The following IGSF23 variants were observed in gnomAD, a reference collection of about 807,000 sequenced individuals.
The protein encoded by IGSF23 is immunoglobulin superfamily member 23.
A neutral mutation model predicts 17.8 loss-of-function variants in IGSF23; 14 were observed. The ratio of observed to expected loss-of-function variants is 0.79; its 90% CI spans 0.52 to 1.23. The LOEUF is 1.23. IGSF23 is among the 50% of genes most tolerant of loss of function. The probability of loss-of-function intolerance (pLI) is 0.00; values close to 1 mark genes in which losing one functional copy is unlikely to be tolerated. For synonymous variants in IGSF23, 85 were observed against 92.5 expected, an observed-to-expected ratio of 0.92 and a Z score of 0.46; for missense variants, 214 against 241.7, an observed-to-expected ratio of 0.89 and a Z score of 0.76.
chr19:44,625,440 T>C (rs1972623565), intron 2 of IGSF23, among the ~76,000 whole-genome samples: 1 of 152,114 alleles, frequency 6.6e-6, no homozygotes, highest in Non-Finnish European at 1.5e-5. Flanking sequence ...ATCAGAGAAG[T>C]GGTTTGGGAC....
At chr19:44,634,390 G>A (rs1972838782) in intron 3 of IGSF23, among the ~76,000 whole-genome samples, 1 of 152,068 alleles carries the variant, frequency 6.6e-6, no homozygotes, top group South Asian at 2.1e-4. Flanking sequence ...TTCTTTTTTA[G>A]TATGAATAGC....
In IGSF23 at chr19:44,627,437, A is replaced by G; in HGVS notation, c.409A>G (p.Thr137Ala). 6.5e-7 allele frequency: 1 copy of G among 1,545,388 alleles called. No homozygotes were observed. Among genetic ancestry groups the G allele is most frequent in the East Asian group, 2.5e-5 (1 of 40,730 alleles). The stretch of plus-strand genomic sequence containing the variant: ...GTCCCCAGAACCCATCATGCAGCCC[A>G]CAGAAGCAGAGCCCATGGAGCCAGA... ...ISLPKPIMQP[T>A]EAEPMEPDPT... Residue 137 changes from threonine to alanine, a missense_variant, in exon 3 of 5, where the codon ACA (threonine) becomes GCA (alanine). Coordinates refer to ENST00000402988, the MANE Select transcript of IGSF23 (RefSeq NM_001205280.2).
At chr19:44,621,497 G>C (rs1263336424) in intron 1 of IGSF23, among the ~76,000 whole-genome samples, 1 of 150,458 alleles carries the variant, frequency 6.6e-6, no homozygotes, top group Admixed American at 6.6e-5. Context: ...AAAAATAGCT[G>C]GATGTAGTGG....
Position 44,627,532 on chromosome 19 carries a change from AC to A in IGSF23, c.505del (p.Leu169Ter). The part of the protein sequence containing the change: ...LAAGILGAGA[L>X]IAGMCFIIIQ... Reference sequence around the variant, plus strand: ...CGGCTGGGATCCTGGGAGCCGGGGCACTGATTGCAGGCATGTGTTTCATCAT... The same window carrying A: ...CGGCTGGGATCCTGGGAGCCGGGGCATGATTGCAGGCATGTGTTTCATCAT... On this transcript the variant is annotated frameshift_variant, in exon 3 of 5. Coordinates refer to ENST00000402988, the MANE Select transcript of IGSF23 (RefSeq NM_001205280.2). LOFTEE classifies it high-confidence loss of function. 1.3e-6 allele frequency: 2 copies of A among 1,550,476 alleles called. No homozygotes were observed. Among genetic ancestry groups the A allele is most frequent in the Non-Finnish European group, 1.7e-6 (2 of 1,146,944 alleles).
intron 1 of IGSF23, among the ~76,000 whole-genome samples, chr19:44,615,950 G>T (rs1406362341): frequency 1.3e-5 from 2 of 152,202 alleles, no homozygotes; most frequent in African/African-American, 4.8e-5. Context: ...TGTGCCACTG[G>T]ATAAAACAGC....
intron 3 of IGSF23, among the ~76,000 whole-genome samples, chr19:44,631,354 G>A (rs1894316618): frequency 6.6e-6 from 1 of 152,154 alleles, no homozygotes; most frequent in Non-Finnish European, 1.5e-5. Flanking sequence ...TTGGGAGGCC[G>A]AGGCAGGAAG....
intron 3 of IGSF23, among the ~76,000 whole-genome samples, chr19:44,628,412 G>A (rs542908628): frequency 1.3e-5 from 2 of 152,192 alleles, no homozygotes; most frequent in African/African-American, 4.8e-5. Flanking sequence ...TCCTGGTCGG[G>A]GACACCATCA....
chr19:44,630,742 C>T (rs536827862), intron 3 of IGSF23, among the ~76,000 whole-genome samples: 1 of 152,320 alleles, frequency 6.6e-6, no homozygotes, highest in Non-Finnish European at 1.5e-5. Context: ...CTTGACCCTC[C>T]CAGTGAGGAG....
intron 4 of IGSF23, among the ~76,000 whole-genome samples, chr19:44,636,109 T>C (rs1471493795): frequency 6.6e-6 from 1 of 151,938 alleles, no homozygotes; most frequent in Admixed American, 6.6e-5. Flanking sequence ...ATTCCAAGAG[T>C]AACAGCAGAA....
Position 44,623,712 on chromosome 19 carries a change from A to C in IGSF23, c.131A>C (p.Gln44Pro), listed in dbSNP as rs113309881. 7 of 1,551,038 alleles carry C rather than the reference A, an allele frequency of 4.5e-6. No individual in the cohort carries two copies. In the African/African-American group the frequency reaches 6.8e-5, roughly 15 times the overall value. Residue 44 changes from glutamine to proline, a missense_variant, in exon 2 of 5, where the codon CAA becomes CCA. By Grantham distance (76) the Gln-to-Pro change is moderately conservative (BLOSUM62 -1). Coordinates refer to ENST00000402988, the MANE Select transcript of IGSF23 (RefSeq NM_001205280.2). ...GGDFPANLVL[Q>P]LMPLKTFPAA... Reference sequence around the variant, plus strand: ...TTCCCTGTTTGCACAGACAGCCTCCAACTAATGCCACTGAAGACATTCCCA... The same window carrying C: ...TTCCCTGTTTGCACAGACAGCCTCCCACTAATGCCACTGAAGACATTCCCA...
At chr19:44,635,568 C>A in intron 4 of IGSF23, 103 bp downstream of exon 4, 1 of 792,506 alleles carries the variant, frequency 1.3e-6, no homozygotes, top group Non-Finnish European at 2.0e-6. Context: ...GTTCCCTGGT[C>A]ATTTGTCTGT....
chr19:44,618,513 C>A (rs1298934800), intron 1 of IGSF23, among the ~76,000 whole-genome samples: 1 of 152,196 alleles, frequency 6.6e-6, no homozygotes, highest in Admixed American at 6.5e-5. Flanking sequence ...TGCTGGTTAT[C>A]CATTGCTCCC....
chr19:44,635,514 G>T lies in IGSF23; in HGVS notation c.*31+49G>T. 2.2e-6 allele frequency: 3 copies of T among 1,347,142 alleles called. No individual in the cohort carries two copies. In the South Asian group the frequency reaches 3.8e-5, roughly 17 times the overall value. 83.4% of individuals were successfully genotyped at this position (1,347,142 alleles called of 1,614,324 possible). On this transcript the variant is annotated intron_variant, in intron 4 of 4. Transcript: ENST00000402988. ...GAAATCCTAGGTTTGGGAACAGAAA[G>T]AAGTTCTTGGGCAGAGACTCCATAT...
At chr19:44,618,495 A>T (rs1972439116) in intron 1 of IGSF23, among the ~76,000 whole-genome samples, 1 of 152,210 alleles carries the variant, frequency 6.6e-6, no homozygotes, top group South Asian at 2.1e-4. Flanking sequence ...CCACCAGGAC[A>T]CTTTGCATGC....
intron 1 of IGSF23, among the ~76,000 whole-genome samples, chr19:44,614,260 T>C (rs1202516481): frequency 6.6e-6 from 1 of 151,932 alleles, no homozygotes; most frequent in Non-Finnish European, 1.5e-5. Flanking sequence ...AGGATCAGAA[T>C]TTGGGACCCC....
intron 1 of IGSF23, among the ~76,000 whole-genome samples, chr19:44,615,992 T>C (rs1437852583): frequency 6.6e-6 from 1 of 152,140 alleles, no homozygotes; most frequent in Non-Finnish European, 1.5e-5. Context: ...TTACAACATG[T>C]TTGCAAAGTG....
At chr19:44,627,904 CTGGGTTGTTGGGT>C (rs1972689831) in intron 3 of IGSF23, among the ~76,000 whole-genome samples, 1 of 151,560 alleles carries the variant, frequency 6.6e-6, no homozygotes, top group South Asian at 2.1e-4. Context: ...ATCTGACTCT[CTGGGTTGTTGGGT>C]TGGGTTGTTG....
At chr19:44,620,341 T>TTGTGTGTGTG (rs373422531) in intron 1 of IGSF23, among the ~76,000 whole-genome samples, 669 of 139,378 alleles carry the variant, frequency 4.8e-3, no homozygotes, top group East Asian at 0.011. Flanking sequence ...ATGACTAATT[T>TTGTGTGTGTG]TGTGTGTGTG....
At chr19:44,621,823 T>G (rs1972527873) in intron 1 of IGSF23, among the ~76,000 whole-genome samples, 1 of 152,186 alleles carries the variant, frequency 6.6e-6, no homozygotes. Context: ...CTTTTCATGT[T>G]TTGAATGTTG....
Sources: gnomAD v4.1 joint callset for allele counts (sites outside exome capture counted in the v4.1 genomes callset) on GRCh38, gnomAD v4.1.1 for gene constraint, MANE v1.5 for transcripts, NCBI Gene and HGNC (gene_info 2026-07-23, HGNC 2026-07-21) for gene names.